The following DHRSX variants were observed in gnomAD, a reference collection of about 807,000 sequenced individuals.
DHRSX encodes the protein polyprenol dehydrogenase.
DHRSX carries 31 observed loss-of-function variants against 34.0 expected under a neutral mutation model. The ratio of observed to expected loss-of-function variants is 0.91; its 90% CI spans 0.69 to 1.23. DHRSX has a LOEUF of 1.23. Among genes scored for constraint, DHRSX ranks in the 50% most tolerant of loss-of-function variants. The probability of loss-of-function intolerance (pLI) is 0.00; values close to 1 mark genes in which losing one functional copy is unlikely to be tolerated. For missense variants in DHRSX, 414 were observed against 428.1 expected, an observed-to-expected ratio of 0.97 and a Z score of 0.29; for synonymous variants, 201 against 183.8, an observed-to-expected ratio of 1.09 and a Z score of -0.76.
chrX:2,368,426 T>C (rs1367505060), intron 3 of DHRSX, among the ~76,000 whole-genome samples: 1 of 152,208 alleles, frequency 6.6e-6, no homozygotes, highest in Non-Finnish European at 1.5e-5. Flanking sequence ...AATTATTCTC[T>C]GCGTCTTTCA....
At chrX:2,492,945 G>A (rs1050250538) in intron 1 of DHRSX, among the ~76,000 whole-genome samples, 5 of 152,252 alleles carry the variant, frequency 3.3e-5, no homozygotes, top group African/African-American at 1.2e-4. Context: ...AAGGCCCCCC[G>A]TCTTCACGGG....
chrX:2,327,738 A>T (rs1352648330), intron 3 of DHRSX, among the ~76,000 whole-genome samples: 3 of 152,148 alleles, frequency 2.0e-5, no homozygotes, highest in South Asian at 2.1e-4. Context: ...AAGGTAAAAC[A>T]AAGTCACCAG....
intron 6 of DHRSX, among the ~76,000 whole-genome samples, chrX:2,225,764 C>T (rs910041051): frequency 3.1e-4 from 47 of 151,344 alleles, no homozygotes; most frequent in African/African-American, 1.1e-3. Flanking sequence ...CGTCTCCAAG[C>T]CCAGGAGAGA....
chrX:2,304,071 G>GAACT, intron 3 of DHRSX, among the ~76,000 whole-genome samples: 1 of 143,716 alleles, frequency 7.0e-6, no homozygotes, highest in Admixed American at 7.1e-5. Flanking sequence ...ATGGGTGGAT[G>GAACT]GATGGATGGG....
chrX:2,306,625 GT>G (rs1319481702), intron 3 of DHRSX, among the ~76,000 whole-genome samples: 2 of 151,956 alleles, frequency 1.3e-5, no homozygotes, highest in African/African-American at 4.8e-5. Flanking sequence ...GCTAATTTTT[GT>G]ATTTGTAGTA....
intron 1 of DHRSX, among the ~76,000 whole-genome samples, chrX:2,437,467 G>C (rs1252293936): frequency 6.6e-6 from 1 of 152,116 alleles, no homozygotes; most frequent in Non-Finnish European, 1.5e-5. Flanking sequence ...ATCCAGGTGT[G>C]ATGGTGTGCC....
chrX:2,275,452 T>G, intron 4 of DHRSX, among the ~76,000 whole-genome samples: 1 of 151,182 alleles, frequency 6.6e-6, no homozygotes, highest in South Asian at 2.1e-4. Context: ...GAGGTTGCAG[T>G]GAGCTGATAT....
chrX:2,335,257 T>C (rs188628377), intron 3 of DHRSX, among the ~76,000 whole-genome samples: 52 of 151,732 alleles, frequency 3.4e-4, no homozygotes, highest in African/African-American at 9.9e-4. Flanking sequence ...CAGGTGGTCC[T>C]GACGACATGT....
intron 3 of DHRSX, among the ~76,000 whole-genome samples, chrX:2,367,763 A>ATCT (rs1485471959): frequency 6.6e-6 from 1 of 152,196 alleles, no homozygotes; most frequent in Non-Finnish European, 1.5e-5. Flanking sequence ...TTAGCAAAAC[A>ATCT]TTATGATTTG....
At chrX:2,496,192 G>GT (rs1289808730) in intron 1 of DHRSX, among the ~76,000 whole-genome samples, 1 of 151,864 alleles carries the variant, frequency 6.6e-6, no homozygotes, top group Non-Finnish European at 1.5e-5. Context: ...TTTTGTTTTT[G>GT]TTTTTTTGTT....
At chrX:2,283,718 C>A (rs2041762809) in intron 4 of DHRSX, among the ~76,000 whole-genome samples, 1 of 152,192 alleles carries the variant, frequency 6.6e-6, no homozygotes, top group Non-Finnish European at 1.5e-5. Context: ...TGCCCATTTG[C>A]TCATTTGAAT....
chrX:2,270,821 C>G (rs2041541280), intron 4 of DHRSX, among the ~76,000 whole-genome samples: 1 of 152,108 alleles, frequency 6.6e-6, no homozygotes, highest in Non-Finnish European at 1.5e-5. Flanking sequence ...AATCAGCACT[C>G]TAAAATGGAC....
chrX:2,294,588 C>T lies in DHRSX; in HGVS notation c.287-2985G>A, dbSNP rs186809578. Among the ~76,000 whole-genome samples, 359 of 151,270 alleles carry T rather than the reference C, an allele frequency of 2.4e-3. 1 individual carries two copies. The highest frequency in any genetic ancestry group is 8.0e-3 in the African/African-American group (330 of 41,238). On this transcript the variant is annotated intron_variant, in intron 3 of 6. Coordinates refer to ENST00000334651, the MANE Select transcript of DHRSX (RefSeq NM_145177.3). ...GCTAAGGCAGGAGAATCGCATGAAC[C>T]TGGGAGGTGGAGGTTGCAGTAAGCC...
At chrX:2,484,984 C>G (rs972878101) in intron 1 of DHRSX, among the ~76,000 whole-genome samples, 3 of 152,126 alleles carry the variant, frequency 2.0e-5, no homozygotes, top group Non-Finnish European at 2.9e-5. Context: ...TCACTTTCCC[C>G]AAGCTGTTTT....
chrX:2,365,349 A>G (rs2042984036), intron 3 of DHRSX, among the ~76,000 whole-genome samples: 1 of 152,138 alleles, frequency 6.6e-6, no homozygotes, highest in African/African-American at 2.4e-5. Flanking sequence ...CATGTTGGCC[A>G]GGCTGGTCTC....
chrX:2,254,949 C>T (rs961476524), intron 5 of DHRSX, among the ~76,000 whole-genome samples: 3 of 144,074 alleles, frequency 2.1e-5, no homozygotes, highest in East Asian at 4.0e-4. Context: ...GCCCCACGCC[C>T]CCCCCCTTTT....
chrX:2,266,699 C>T, intron 5 of DHRSX, 41 bp downstream of exon 5: 1 of 1,590,022 alleles, frequency 6.3e-7, no homozygotes, highest in Non-Finnish European at 8.6e-7. Flanking sequence ...ACCTTTAACC[C>T]ACCTGAGATG....
At chrX:2,337,954 A>G (rs1247161849) in intron 3 of DHRSX, 2 of 151,678 alleles carry the variant, frequency 1.3e-5, no homozygotes, top group Non-Finnish European at 2.9e-5. Context: ...CTTCATGAAC[A>G]TAACAAGTCA....
intron 3 of DHRSX, among the ~76,000 whole-genome samples, chrX:2,390,144 C>CGTTTTTT (rs1166056838): frequency 7.8e-6 from 1 of 128,184 alleles, no homozygotes; most frequent in African/African-American, 3.0e-5. Context: ...GCATTTTAAC[C>CGTTTTTT]TTTTTTTTTT....
Sources: allele counts gnomAD v4.1 joint callset (sites outside exome capture counted in the v4.1 genomes callset), GRCh38; gene constraint gnomAD v4.1.1; transcripts MANE v1.5; gene names NCBI Gene and HGNC (gene_info 2026-07-23, HGNC 2026-07-21).